Variants in LRIG1 observed in about 807,000 individuals in gnomAD.
LRIG1 encodes the protein leucine rich repeats and immunoglobulin like domains 1.
Under a neutral mutation model 99.2 loss-of-function variants are expected in LRIG1, and 48 were observed. That is an observed-to-expected ratio of 0.48 (90% CI 0.38 to 0.62). LRIG1 has a LOEUF of 0.62. Ranked by LOEUF, LRIG1 falls within the 20% of genes least tolerant of loss-of-function variation. The pLI is 0.00. For synonymous variants in LRIG1, 772 were observed against 596.1 expected (o/e 1.29, Z -4.30); for missense variants, 1,646 against 1,434.4 (o/e 1.15, Z -2.38).
At chr3:66,383,603 G>GA in intron 14 of LRIG1, among the ~76,000 whole-genome samples, 1 of 152,142 alleles carries the variant, frequency 6.6e-6, no homozygotes, top group Non-Finnish European at 1.5e-5. Context: ...CAGGGACAGT[G>GA]AACCTCTGCT....
chr3:66,471,372 G>A (rs918743593), intron 1 of LRIG1, among the ~76,000 whole-genome samples: 32 of 56,566 alleles, frequency 5.7e-4, no homozygotes, highest in African/African-American at 8.2e-4. Context: ...CTGCACAATA[G>A]CCCCCCTATC....
intron 1 of LRIG1, among the ~76,000 whole-genome samples, chr3:66,495,554 A>C (rs967842686): frequency 6.6e-6 from 1 of 152,238 alleles, no homozygotes; most frequent in African/African-American, 2.4e-5. Flanking sequence ...GTTTTAAACA[A>C]ACGAGGAAAA....
At chr3:66,433,844 G>A (rs112553675) in intron 3 of LRIG1, among the ~76,000 whole-genome samples, 4 of 152,272 alleles carry the variant, frequency 2.6e-5, no homozygotes, top group East Asian at 1.9e-4. Flanking sequence ...ATCTCAACCC[G>A]TGCCTTGTCC....
At chr3:66,381,671 G>C (rs771715377) in intron 16 of LRIG1, 40 bp from the exon 17 acceptor site, 102 of 1,596,586 alleles carry the variant, frequency 6.4e-5, no homozygotes, top group South Asian at 1.1e-4. Context: ...CTCTGGGCTT[G>C]GTATTTCACA....
At chr3:66,413,128 G>T (rs1009940736) in intron 5 of LRIG1, 114 bp from the exon 6 acceptor site, 15 of 1,228,250 alleles carry the variant, frequency 1.2e-5, no homozygotes, top group Admixed American at 4.1e-5. Context: ...CCAGTGCAGG[G>T]ATCCCTGGGA....
intron 3 of LRIG1, among the ~76,000 whole-genome samples, chr3:66,430,672 C>T (rs1575685478): frequency 6.6e-6 from 1 of 152,096 alleles, no homozygotes; most frequent in Non-Finnish European, 1.5e-5. Flanking sequence ...CATGTCCACA[C>T]GGAGGTCAGC....
chr3:66,499,551 G>A (rs956392819), intron 1 of LRIG1, among the ~76,000 whole-genome samples: 1 of 152,190 alleles, frequency 6.6e-6, no homozygotes, highest in African/African-American at 2.4e-5. Context: ...GCCAGGAACT[G>A]TCAAAGCCCT....
At chr3:66,466,893 T>C (rs1055838984) in intron 1 of LRIG1, among the ~76,000 whole-genome samples, 2 of 152,248 alleles carry the variant, frequency 1.3e-5, no homozygotes, top group African/African-American at 4.8e-5. Context: ...GAGAATTTAG[T>C]TACTGCCAAT....
In LRIG1 at chr3:66,379,996, G is replaced by A; in HGVS notation, c.*267C>T. ...TTTTTTCTGTTAACCATGCACTAAAGATTAAAATAGCCTCTGTAAAAGATA... is the reference window on the plus strand; with the variant it reads ...TTTTTTCTGTTAACCATGCACTAAAAATTAAAATAGCCTCTGTAAAAGATA... On this transcript the variant is annotated 3_prime_UTR_variant, in exon 19 of 19. Transcript: ENST00000273261. 3.6e-6 allele frequency: 1 copy of A among 279,086 alleles called. No individual in the cohort carries two copies. Among genetic ancestry groups the A allele is most frequent in the Non-Finnish European group, 6.7e-6 (1 of 149,634 alleles). 17.3% of individuals were successfully genotyped at this position (279,086 alleles called of 1,614,324 possible).
intron 10 of LRIG1, 97 bp from the exon 11 acceptor site, chr3:66,398,280 AGC>A (rs1448676351): frequency 2.3e-6 from 2 of 875,158 alleles, no homozygotes; most frequent in African/African-American, 1.7e-5. Flanking sequence ...CACAGGGACT[AGC>A]CAGACCTGTG....
chr3:66,441,458 T>A (rs184884059), intron 3 of LRIG1, among the ~76,000 whole-genome samples: 4 of 152,120 alleles, frequency 2.6e-5, no homozygotes, highest in Admixed American at 2.6e-4. Context: ...CAGCTCTGAA[T>A]TGACATGAGA....
chr3:66,388,844 C>T (rs547014334), intron 12 of LRIG1, among the ~76,000 whole-genome samples: 2 of 152,202 alleles, frequency 1.3e-5, no homozygotes, highest in South Asian at 2.1e-4. Context: ...CAGGCCTGCC[C>T]CACAAGAAAT....
intron 4 of LRIG1, 35 bp from the exon 5 acceptor site, chr3:66,415,098 G>A (rs1304040596): frequency 6.4e-7 from 1 of 1,563,890 alleles, no homozygotes; most frequent in African/African-American, 1.4e-5. Context: ...GTGGTGGTTG[G>A]TCAAAGGCCT....
intron 3 of LRIG1, among the ~76,000 whole-genome samples, chr3:66,427,896 C>G (rs947900060): frequency 6.6e-6 from 1 of 152,128 alleles, no homozygotes; most frequent in Admixed American, 6.5e-5. Context: ...TGTACATACC[C>G]TTTTTTATTT....
intron 1 of LRIG1, among the ~76,000 whole-genome samples, chr3:66,496,955 A>C (rs1343209308): frequency 5.3e-5 from 8 of 152,258 alleles, no homozygotes; most frequent in African/African-American, 1.9e-4. Context: ...TTATTTTCTA[A>C]GGTAATCATA....
At chr3:66,495,121 C>T (rs946986286) in intron 1 of LRIG1, among the ~76,000 whole-genome samples, 17 of 152,144 alleles carry the variant, frequency 1.1e-4, no homozygotes, top group African/African-American at 4.1e-4. Flanking sequence ...AACTGACATA[C>T]AAGAACTGAA....
chr3:66,408,191 T>TTGGGGC lies in LRIG1; in HGVS notation c.936-706_936-701dup, dbSNP rs530320894. Among the ~76,000 whole-genome samples the TTGGGGC allele has an allele frequency of 7.2e-3, 1,094 of 152,158 alleles. 3 individuals carry two copies. The highest frequency in any genetic ancestry group is 0.012 in the Non-Finnish European group (783 of 68,012). On this transcript the variant is annotated intron_variant, in intron 7 of 18. Coordinates refer to ENST00000273261, the MANE Select transcript of LRIG1 (RefSeq NM_015541.3). ...ATATTGGTCATCTATCGTTGAAAAATTGGGGCTGGGGCAGGGATAGGAAGA... is the reference window on the plus strand; with the variant it reads ...ATATTGGTCATCTATCGTTGAAAAATTGGGGCTGGGGCTGGGGCAGGGATAGGAAGA...
intron 2 of LRIG1, among the ~76,000 whole-genome samples, 188 bp from the exon 3 acceptor site, chr3:66,451,821 T>C (rs926792937): frequency 6.6e-6 from 1 of 152,186 alleles, no homozygotes; most frequent in Non-Finnish European, 1.5e-5. Context: ...TCACAAAAAC[T>C]AGCCACTGAT....
chr3:66,386,626 A>G (rs1025364374), intron 12 of LRIG1: 2 of 285,834 alleles, frequency 7.0e-6, no homozygotes, highest in South Asian at 1.0e-4. Context: ...TTCACACAAA[A>G]CAGTCAGGCA....
Sources: gnomAD v4.1 joint callset for allele counts (sites outside exome capture counted in the v4.1 genomes callset) on GRCh38, gnomAD v4.1.1 for gene constraint, MANE v1.5 for transcripts, NCBI Gene and HGNC (gene_info 2026-07-23, HGNC 2026-07-21) for gene names.